Variants in GPATCH2 observed in about 807,000 individuals in gnomAD.
GPATCH2 encodes the protein G-patch domain containing 2.
Under a neutral mutation model 58.0 loss-of-function variants are expected in GPATCH2, and 51 were observed. The observed-to-expected ratio is 0.88, with a 90% CI of 0.70 to 1.11. The LOEUF (loss-of-function observed/expected upper bound fraction) is 1.11, where lower values mean the gene tolerates loss of function less well. Among genes scored for constraint, GPATCH2 ranks in the 50% most tolerant of loss-of-function variants. The pLI is 0.00. For missense variants in GPATCH2, 625 were observed against 652.2 expected (o/e 0.96, Z 0.45); for synonymous variants, 222 against 218.5 (o/e 1.02, Z -0.14).
intron 5 of GPATCH2, among the ~76,000 whole-genome samples, chr1:217,558,709 G>A (rs1665766641): frequency 6.6e-6 from 1 of 152,168 alleles, no homozygotes. Context: ...AGCACTTTGG[G>A]AGGCCAAGGT....
chr1:217,451,130 C>T (rs1659646377), intron 8 of GPATCH2, among the ~76,000 whole-genome samples: 1 of 152,164 alleles, frequency 6.6e-6, no homozygotes, highest in South Asian at 2.1e-4. Context: ...GTAGTGGCGG[C>T]AGGCATAACC....
chr1:217,577,606 A>G (rs1666863774), intron 5 of GPATCH2, among the ~76,000 whole-genome samples: 1 of 152,178 alleles, frequency 6.6e-6, no homozygotes, highest in African/African-American at 2.4e-5. Flanking sequence ...TATTTTGTCT[A>G]CAGAAAAAAT....
rs74142488 is a variant in GPATCH2, at chr1:217,587,867, G to A, written c.1098+22454C>T. Among the ~76,000 whole-genome samples the A allele has an allele frequency of 8.8e-3, 1,339 of 152,174 alleles. 16 individuals are homozygous for A. The highest frequency in any genetic ancestry group is 0.031 in the African/African-American group (1,282 of 41,510). ...AGCCTATTAAATAGGTATTATGAAA[G>A]ACTCAAAACTTAATTTTTCCAAAAG... On this transcript the variant is annotated intron_variant, in intron 5 of 9. Transcript: ENST00000366935.
chr1:217,574,452 G>C (rs529360844), intron 5 of GPATCH2, among the ~76,000 whole-genome samples: 1 of 152,226 alleles, frequency 6.6e-6, no homozygotes, highest in South Asian at 2.1e-4. Context: ...TTCCACTTAG[G>C]CTTGCAATGC....
chr1:217,431,195 G>A lies in GPATCH2; in HGVS notation c.1537C>T (p.Pro513Ser), dbSNP rs529279087. The change falls in exon 10 of 10, where the codon CCA becomes TCA. Residue 513 changes from proline (P) to serine (S), a missense_variant. By Grantham distance (74) the Pro-to-Ser change is moderately conservative (BLOSUM62 -1). Coordinates refer to ENST00000366935, the MANE Select transcript of GPATCH2 (RefSeq NM_018040.5). ...GTAGTAGTTGCGGAAGTACTTTTTGGTAGAGGAAATCCAAGTCCTAATCCC... is the reference window on the plus strand; with the variant it reads ...GTAGTAGTTGCGGAAGTACTTTTTGATAGAGGAAATCCAAGTCCTAATCCC... ...PKGLGLGFPL[P>S]KSTSATTTPN... is the part of the protein sequence containing the mutation. The A allele has an allele frequency of 2.5e-6, 4 of 1,608,018 alleles. No homozygotes were observed. In the South Asian group the frequency reaches 4.4e-5, roughly 18 times the overall value.
At chr1:217,436,137 C>T (rs757392244) in intron 9 of GPATCH2, among the ~76,000 whole-genome samples, 3 of 150,346 alleles carry the variant, frequency 2.0e-5, no homozygotes, top group African/African-American at 4.9e-5. Flanking sequence ...TTAATTAAAC[C>T]GAAACATATT....
At chr1:217,553,929 A>G (rs1665485835) in intron 5 of GPATCH2, among the ~76,000 whole-genome samples, 1 of 152,234 alleles carries the variant, frequency 6.6e-6, no homozygotes, top group Admixed American at 6.5e-5. Flanking sequence ...CCACAGCATG[A>G]AGTGATCAGA....
At chr1:217,551,122 GAA>G (rs1279180583) in intron 5 of GPATCH2, among the ~76,000 whole-genome samples, 1 of 143,126 alleles carries the variant, frequency 7.0e-6, no homozygotes, top group Admixed American at 7.0e-5. Flanking sequence ...CAGAAATCAT[GAA>G]AAAAAAAAAC....
intron 5 of GPATCH2, among the ~76,000 whole-genome samples, chr1:217,531,768 A>G (rs9633499): frequency 0.18 from 27,024 of 152,222 alleles, 3,198 homozygotes; most frequent in East Asian, 0.48. Context: ...CTTCCTGGGT[A>G]GCACACTGTT....
chr1:217,567,109 C>T (rs531188482), intron 5 of GPATCH2, among the ~76,000 whole-genome samples: 20 of 146,376 alleles, frequency 1.4e-4, no homozygotes, highest in South Asian at 2.2e-4. Flanking sequence ...TGCAATGGCG[C>T]GATCTTGGCT....
intron 8 of GPATCH2, among the ~76,000 whole-genome samples, chr1:217,456,701 A>C (rs936772529): frequency 1.3e-5 from 2 of 152,352 alleles, no homozygotes; most frequent in African/African-American, 4.8e-5. Context: ...ATTAACAGAG[A>C]GGGTTACCCA....
At position 217,498,523 on chromosome 1, in the gene GPATCH2, T is replaced by C. The variant is rs1421197973; in HGVS notation, c.1167-128A>G. On this transcript the variant is annotated intron_variant, in intron 6 of 9. Transcript: ENST00000366935. ...CAGCCTTAAATATGCTTTATTTTAA[T>C]GGATGTTTCATGTAATTCTAGACTT... The C allele has an allele frequency of 5.4e-6, 4 of 743,002 alleles. No homozygotes were observed. In the Admixed American group the frequency reaches 8.0e-5, roughly 15 times the overall value. The allele number at this position is 743,002 out of a possible 1,614,324, so 46.0% of individuals were successfully genotyped here.
chr1:217,533,058 C>T (rs1275906833), intron 5 of GPATCH2, among the ~76,000 whole-genome samples: 1 of 151,286 alleles, frequency 6.6e-6, no homozygotes, highest in Admixed American at 6.6e-5. Flanking sequence ...AGCACCATGC[C>T]CACCTGGCTA....
At position 217,429,443 on chromosome 1, in the gene GPATCH2, G is replaced by C. The variant is rs999634518; in HGVS notation, c.*1702C>G. 1.3e-5 allele frequency: 2 copies of C among 152,090 alleles called. No individual in the cohort carries two copies. The highest frequency in any genetic ancestry group is 2.4e-5 in the African/African-American group (1 of 41,412). 9.4% of individuals were successfully genotyped at this position (152,090 alleles called of 1,614,324 possible). ...GTGAAGGCTTTCAAATAGCAGGTTG[G>C]ACTTCCCCTCCCTAGTTGGCAGGAT... On this transcript the variant is annotated 3_prime_UTR_variant, in exon 10 of 10. Coordinates refer to ENST00000366935, the MANE Select transcript of GPATCH2 (RefSeq NM_018040.5).
At chr1:217,560,683 T>C (rs1030078577) in intron 5 of GPATCH2, among the ~76,000 whole-genome samples, 3 of 152,206 alleles carry the variant, frequency 2.0e-5, no homozygotes, top group South Asian at 2.1e-4. Flanking sequence ...CCTGCATGAT[T>C]GACATCTGGG....
At chr1:217,545,467 TA>T (rs1664993681) in intron 5 of GPATCH2, among the ~76,000 whole-genome samples, 1 of 152,212 alleles carries the variant, frequency 6.6e-6, no homozygotes, top group Admixed American at 6.5e-5. Context: ...GGTGCATACT[TA>T]TTACTTTTCT....
At chr1:217,600,802 G>C (rs1239705606) in intron 5 of GPATCH2, among the ~76,000 whole-genome samples, 4 of 151,966 alleles carry the variant, frequency 2.6e-5, no homozygotes, top group African/African-American at 9.7e-5. Context: ...GAAAGAAAGA[G>C]CATTTTAAAA....
At chr1:217,492,405 CAAAT>C (rs1202098133) in intron 7 of GPATCH2, 1 of 152,138 alleles carries the variant, frequency 6.6e-6, no homozygotes, top group East Asian at 1.9e-4. Context: ...AAGAAAAAAA[CAAAT>C]AGTCAATATT....
chr1:217,524,474 G>T (rs1663707673), intron 5 of GPATCH2, among the ~76,000 whole-genome samples: 1 of 151,918 alleles, frequency 6.6e-6, no homozygotes, highest in Non-Finnish European at 1.5e-5. Context: ...CCGGGCAGAG[G>T]CTGCAATCTC....
Sources: allele counts gnomAD v4.1 joint callset (sites outside exome capture counted in the v4.1 genomes callset), GRCh38; gene constraint gnomAD v4.1.1; transcripts MANE v1.5; gene names NCBI Gene and HGNC (gene_info 2026-07-23, HGNC 2026-07-21).